The following P2RX4 variants were observed in gnomAD, a reference collection of about 807,000 sequenced individuals.
P2RX4 encodes the protein P2X purinoceptor 4.
Under a neutral mutation model 48.0 loss-of-function variants are expected in P2RX4, and 37 were observed. That is an observed-to-expected ratio of 0.77 (90% CI 0.59 to 1.01). The LOEUF (loss-of-function observed/expected upper bound fraction) is 1.01, where lower values mean the gene tolerates loss of function less well. Ranked by LOEUF, P2RX4 falls within the 50% of genes least tolerant of loss-of-function variation. The pLI, the probability that P2RX4 is intolerant of heterozygous loss-of-function variation, is 0.00. For missense variants in P2RX4, 501 were observed against 521.4 expected (o/e 0.96, Z 0.38); for synonymous variants, 200 against 199.7 (o/e 1.00, Z -0.01).
chr12:121,221,190 GTGTGTGTT>G (rs113827516), intron 2 of P2RX4, among the ~76,000 whole-genome samples: 29,036 of 143,830 alleles, frequency 0.2, 2,966 homozygotes, highest in East Asian at 0.29. Flanking sequence ...GTGTGTGTGT[GTGTGTGTT>G]TTTAGTACAA....
chr12:121,216,862 G>C, intron 1 of P2RX4: 1 of 677,810 alleles, frequency 1.5e-6, no homozygotes, highest in South Asian at 1.6e-5. Flanking sequence ...AATAAAGACA[G>C]TATTCATCGA....
At chr12:121,211,828 C>A (rs1593194453) in intron 1 of P2RX4, among the ~76,000 whole-genome samples, 1 of 152,294 alleles carries the variant, frequency 6.6e-6, no homozygotes, top group Non-Finnish European at 1.5e-5. Context: ...GCACCCACCA[C>A]CATGCCCGGC....
chr12:121,210,341 C>T (rs1387767226), intron 1 of P2RX4, 43 bp downstream of exon 1: 15 of 1,431,994 alleles, frequency 1.0e-5, no homozygotes, highest in Non-Finnish European at 1.4e-5. Context: ...GTGCTGCCCT[C>T]GCGTCCGCGC....
chr12:121,225,396 AT>A (rs946222595), intron 5 of P2RX4, among the ~76,000 whole-genome samples: 1 of 149,068 alleles, frequency 6.7e-6, no homozygotes, highest in Admixed American at 6.7e-5. Context: ...TTATTTATTT[AT>A]TTTTTATTTA....
intron 8 of P2RX4, among the ~76,000 whole-genome samples, chr12:121,230,437 C>G (rs1045542570): frequency 1.3e-5 from 2 of 152,236 alleles, no homozygotes; most frequent in Admixed American, 1.3e-4. Context: ...GTCAGCGGTG[C>G]TTTGGGCTGC....
chr12:121,221,873 C>G (rs1593210335), intron 2 of P2RX4, 40 bp from the exon 3 acceptor site: 1 of 1,580,440 alleles, frequency 6.3e-7, no homozygotes, highest in East Asian at 2.2e-5. Context: ...CTCCGTGAGT[C>G]CTCTGAGCGT....
intron 1 of P2RX4, among the ~76,000 whole-genome samples, chr12:121,211,342 A>G (rs2136208982): frequency 6.6e-6 from 1 of 152,086 alleles, no homozygotes; most frequent in African/African-American, 2.4e-5. Flanking sequence ...GGCTGGGATT[A>G]CAAGTGCCCG....
Position 121,221,993 on chromosome 12 carries a change from C to A in P2RX4, c.354+9C>A, listed in dbSNP as rs371167689. On this transcript the variant is annotated intron_variant, in intron 3 of 11. Transcript: ENST00000337233. ...AGGGCCTGTGCCCCGAGGTAGGAGGCCCCCGGGAAGAGCCCCAGGCCCCAC... is the reference window on the plus strand; with the variant it reads ...AGGGCCTGTGCCCCGAGGTAGGAGGACCCCGGGAAGAGCCCCAGGCCCCAC... 3.1e-6 allele frequency: 5 copies of A among 1,612,786 alleles called. 1 individual carries two copies. Among genetic ancestry groups the A allele is most frequent in the East Asian group, 4.5e-5 (2 of 44,864 alleles).
In P2RX4 at chr12:121,229,092, A is replaced by G. The variant is rs202097044; in HGVS notation, c.877A>G (p.Asn293Asp). ...TGAGCACAACGTATCTCCTGGCTAC[A>G]ATTTCAGGTGGGCGTGAGCTTGGGC... ...DVEHNVSPGYNFRFAKYYRDL... is the reference protein window; with the variant it reads ...DVEHNVSPGYDFRFAKYYRDL... Residue 293 changes from asparagine to aspartate, a missense_variant, in exon 8 of 12, where the codon AAT (asparagine) becomes GAT (aspartate). Around this residue, in one of 3 missense-constraint regions of P2RX4, gnomAD observed 197 missense variants for 219.5 expected, o/e 0.90. Coordinates refer to ENST00000337233, the MANE Select transcript of P2RX4 (RefSeq NM_002560.3). This position sits in a 1 kb window ranked among gnomAD's most constrained non-coding sequence, Gnocchi z 4.6. 6.2e-7 allele frequency: 1 copy of G among 1,614,042 alleles called. No homozygotes were observed.
chr12:121,226,375 C>G (rs1886976075), intron 5 of P2RX4, among the ~76,000 whole-genome samples: 1 of 151,778 alleles, frequency 6.6e-6, no homozygotes, highest in African/African-American at 2.4e-5. Flanking sequence ...GAAACCCCCT[C>G]TCTACTAAAA....
intron 7 of P2RX4, 25 bp downstream of exon 7, chr12:121,228,891 G>T: frequency 6.2e-7 from 1 of 1,614,076 alleles, no homozygotes; most frequent in South Asian, 1.1e-5. Context: ...TGGCTCTCCT[G>T]ACCCAGCCCT....
At chr12:121,231,704 T>C (rs548951492) in intron 8 of P2RX4, among the ~76,000 whole-genome samples, 1 of 152,160 alleles carries the variant, frequency 6.6e-6, no homozygotes, top group South Asian at 2.1e-4. Flanking sequence ...AACGAGTGGT[T>C]CTTTTTGTTG....
In P2RX4 at chr12:121,229,158, T is replaced by C; in HGVS notation, c.884+59T>C. 1 of 1,599,538 alleles carries C rather than the reference T, an allele frequency of 6.3e-7. No individual in the cohort carries two copies. Among genetic ancestry groups the C allele is most frequent in the East Asian group, 2.2e-5 (1 of 44,794 alleles). On this transcript the variant is annotated intron_variant, in intron 8 of 11. Coordinates refer to ENST00000337233, the MANE Select transcript of P2RX4 (RefSeq NM_002560.3). The surrounding 1 kb of genome is among the most constrained non-coding windows in gnomAD (Gnocchi z 4.6). ...TAGGGGGTGCTGGTGGCTGCGTACG[T>C]GCCAGTGGGCCGCCCACTGAAGACC...
intron 5 of P2RX4, among the ~76,000 whole-genome samples, chr12:121,227,568 A>G (rs1887051822): frequency 6.6e-6 from 1 of 152,204 alleles, no homozygotes; most frequent in African/African-American, 2.4e-5. Context: ...AGCCAGGCCT[A>G]CTGATTTCCA....
chr12:121,217,748 A>G (rs1206471361), intron 2 of P2RX4, among the ~76,000 whole-genome samples: 1 of 149,858 alleles, frequency 6.7e-6, no homozygotes, highest in Non-Finnish European at 1.5e-5. Flanking sequence ...CAATGTGGTG[A>G]AACCCCATCT....
rs71079040 is a variant in P2RX4 at position 121,221,166 on chromosome 12, TTGTGTGTG to T, written c.283-723_283-716del. On this transcript the variant is annotated intron_variant, in intron 2 of 11. Transcript: ENST00000337233. The stretch of plus-strand genomic sequence containing the variant: ...TGTGTGTGCGTGTGTCTGTGTGTGT[TTGTGTGTG>T]TGTGTGTGTGTGTGTGTGTGTGTTT... 5.4e-3 allele frequency among the ~76,000 whole-genome samples: 547 copies of T among 100,916 alleles called. 3 individuals are homozygous for T. The highest frequency in any genetic ancestry group is 0.011 in the South Asian group (34 of 3,010). 66.2% of individuals were successfully genotyped at this position (100,916 alleles called of 152,430 possible). A position where few individuals can be genotyped will look rare whatever the true frequency, so the allele number is the denominator to read the frequency against.
intron 8 of P2RX4, among the ~76,000 whole-genome samples, chr12:121,230,078 C>G (rs1261917386): frequency 1.3e-5 from 2 of 152,168 alleles, no homozygotes; most frequent in East Asian, 3.8e-4. Flanking sequence ...TTCCACGTAC[C>G]CTTTGTTGCA....
chr12:121,214,759 C>G (rs1886113373), intron 1 of P2RX4: 1 of 152,216 alleles, frequency 6.6e-6, no homozygotes, highest in African/African-American at 2.4e-5. Flanking sequence ...ATCACACACA[C>G]TCATAAGTAA....
At chr12:121,222,791 A>T in intron 4 of P2RX4, 156 bp from the exon 5 acceptor site, 1 of 1,534,666 alleles carries the variant, frequency 6.5e-7, no homozygotes, top group South Asian at 1.2e-5. Context: ...TCCGATTCTA[A>T]CTCCTGGACA....
Sources: gnomAD v4.1 joint callset for allele counts (sites outside exome capture counted in the v4.1 genomes callset) on GRCh38, gnomAD v4.1.1 for gene constraint, gnomAD v4.1.1 regional missense constraint, Gnocchi (gnomAD v3.1) non-coding constraint, MANE v1.5 for transcripts, NCBI Gene and HGNC (gene_info 2026-07-23, HGNC 2026-07-21) for gene names.